Variants in CPLANE1 observed in about 807,000 individuals in gnomAD.
CPLANE1 encodes ciliogenesis and planar polarity effector complex subunit 1, also known as ciliogenesis and planar polarity effector 1.
A neutral mutation model predicts 362.5 loss-of-function variants in CPLANE1; 263 were observed. The observed-to-expected ratio is 0.73, with a 90% CI of 0.66 to 0.80. The LOEUF is 0.80. CPLANE1 is among the 30% of genes least tolerant of loss of function. The pLI, the probability that CPLANE1 is intolerant of heterozygous loss-of-function variation, is 0.00. For synonymous variants in CPLANE1, 1,212 were observed against 1,302.6 expected (o/e 0.93, Z 1.50); for missense variants, 3,461 against 3,793.4 (o/e 0.91, Z 2.30).
chr5:37,180,342 G>T (rs1220506436), intron 27 of CPLANE1, among the ~76,000 whole-genome samples, 159 bp from the exon 28 acceptor site: 3 of 151,198 alleles, frequency 2.0e-5, no homozygotes, highest in Admixed American at 6.6e-5. Context: ...TAAAAGCAAA[G>T]AACAAACTTT....
At chr5:37,124,848 G>A in intron 47 of CPLANE1, 1 of 989,284 alleles carries the variant, frequency 1.0e-6, no homozygotes. Flanking sequence ...TATAAACTAA[G>A]TAAGGGAGCA....
At position 37,107,298 on chromosome 5, in the gene CPLANE1, T is replaced by C. The variant is rs1354843206; in HGVS notation, c.*304A>G. ...AGGAGGAGGCAAGATAGAGGGTTTT[T>C]ATTGAAAGTAGGTTATGCAAACTTG... On this transcript the variant is annotated 3_prime_UTR_variant, in exon 53 of 53. Coordinates refer to ENST00000651892, the MANE Select transcript of CPLANE1 (RefSeq NM_001384732.1). The C allele has an allele frequency of 1.8e-6, 2 of 1,090,982 alleles. No individual in the cohort carries two copies. Among genetic ancestry groups the C allele is most frequent in the Non-Finnish European group, 2.2e-6 (2 of 899,506 alleles). The allele number at this position is 1,090,982 out of a possible 1,614,324, so 67.6% of individuals were successfully genotyped here.
Position 37,209,928 on chromosome 5 carries a change from C to T in CPLANE1, c.2921-3503G>A. ...TGATCAGTTTGCAGATGCTTACCCT[C>T]AGCGTATCAAGTTTGAGTCTTTAGA... On this transcript the variant is annotated intron_variant, in intron 16 of 52. Transcript: ENST00000651892. This position sits in a 1 kb window ranked among gnomAD's most constrained non-coding sequence, Gnocchi z 4.6. The T allele has an allele frequency of 7.3e-7, 1 of 1,371,402 alleles. No individual in the cohort carries two copies. The highest frequency in any genetic ancestry group is 1.0e-6 in the Non-Finnish European group (1 of 960,842). 85.0% of individuals were successfully genotyped at this position (1,371,402 alleles called of 1,614,324 possible).
At chr5:37,166,753 T>C (rs540423262) in intron 35 of CPLANE1, among the ~76,000 whole-genome samples, 2 of 152,202 alleles carry the variant, frequency 1.3e-5, no homozygotes, top group Non-Finnish European at 2.9e-5. Flanking sequence ...TTGTACCAAA[T>C]ATTTGAGCAG....
At chr5:37,100,872 A>T in the CPLANE1 span, among the ~76,000 whole-genome samples, 2 of 152,126 alleles carry the variant, frequency 1.3e-5, no homozygotes, top group Non-Finnish European at 2.9e-5. Flanking sequence ...CTTTGTAGCA[A>T]TTGAGAATCA....
rs116198390 is a variant in CPLANE1, at chr5:37,122,431, T to C, written c.9016A>G (p.Arg3006Gly). 596 of 1,613,086 alleles carry C rather than the reference T, an allele frequency of 3.7e-4. No individual in the cohort carries two copies. Among genetic ancestry groups the C allele is most frequent in the Non-Finnish European group, 4.7e-4 (554 of 1,179,444 alleles). ...CAGGGTTACAGCTACCAAACTCACC[T>C]GTCTTTTTCATGCTTCATCTTTTGT... is the stretch of plus-strand genomic sequence containing the variant. ...LRQKMKHEKD[R>G]LLLSEHYSRR... Residue 3006 changes from arginine (R) to glycine (G), a missense_variant and splice_region_variant, in exon 48 of 53, where the codon AGA (arginine) becomes GGA (glycine). Physicochemically the swap from Arg to Gly is moderately radical, Grantham distance 125 (BLOSUM62 -2). This residue lies in a region of CPLANE1 where 3,380 missense variants were observed against 3,666.1 expected (regional missense o/e 0.92). Transcript: ENST00000651892.
At chr5:37,234,741 A>G (rs578082240) in intron 8 of CPLANE1, among the ~76,000 whole-genome samples, 1 of 152,172 alleles carries the variant, frequency 6.6e-6, no homozygotes, top group Non-Finnish European at 1.5e-5. Context: ...ACCAGCGGCT[A>G]TTATATTCAG....
Position 37,205,442 on chromosome 5 carries a change from C to A in CPLANE1, c.3162G>T (p.Lys1054Asn). 1 of 1,530,132 alleles carries A rather than the reference C, an allele frequency of 6.5e-7. No homozygotes were observed. The highest frequency in any genetic ancestry group is 1.3e-5 in the South Asian group (1 of 78,558). 94.8% of individuals were successfully genotyped at this position (1,530,132 alleles called of 1,614,324 possible). ...TCATACGGAGTGGTAGATTCAGACT[C>A]TTTTTCTTGGACCTGAAATGACATC... ...RDSNFMRSKK[K>N]SLNLPLRMTP... Residue 1054 changes from lysine to asparagine, a missense_variant, in exon 18 of 53, where the codon AAG becomes AAT. Around this residue, in one of 2 missense-constraint regions of CPLANE1, gnomAD observed 3,380 missense variants for 3,666.1 expected, o/e 0.92. Coordinates refer to ENST00000651892, the MANE Select transcript of CPLANE1 (RefSeq NM_001384732.1).
At chr5:37,160,487 C>T (rs1264429262) in intron 38 of CPLANE1, among the ~76,000 whole-genome samples, 1 of 151,004 alleles carries the variant, frequency 6.6e-6, no homozygotes. Flanking sequence ...TTGAACCTGG[C>T]AGGCGGAGGC....
chr5:37,128,003 G>A (rs944315780), intron 46 of CPLANE1, among the ~76,000 whole-genome samples: 1 of 152,002 alleles, frequency 6.6e-6, no homozygotes, highest in Admixed American at 6.6e-5. Flanking sequence ...TTGTGCCACT[G>A]CACCCCAGCC....
chr5:37,098,123 G>C, the CPLANE1 span, among the ~76,000 whole-genome samples: 2 of 151,888 alleles, frequency 1.3e-5, no homozygotes, highest in Non-Finnish European at 2.9e-5. Flanking sequence ...GCCAGGCATG[G>C]TGGCTCACGC....
chr5:37,198,635 A>G, intron 20 of CPLANE1, 67 bp downstream of exon 20: 2 of 1,429,898 alleles, frequency 1.4e-6, no homozygotes, highest in Non-Finnish European at 1.9e-6. Flanking sequence ...ACAATTATAA[A>G]AACAATAATA....
At chr5:37,148,491 T>C (rs1415251745) in intron 42 of CPLANE1, among the ~76,000 whole-genome samples, 3 of 152,224 alleles carry the variant, frequency 2.0e-5, no homozygotes, top group Non-Finnish European at 4.4e-5. Context: ...AGGAAAATTG[T>C]ATCATAAAAT....
chr5:37,231,233 A>G (rs1051897021), intron 8 of CPLANE1, among the ~76,000 whole-genome samples, 184 bp from the exon 9 acceptor site: 11 of 152,262 alleles, frequency 7.2e-5, no homozygotes, highest in Admixed American at 3.3e-4. Context: ...GAGTTTGCTC[A>G]TAAACATCTA....
intron 19 of CPLANE1, 152 bp from the exon 20 acceptor site, chr5:37,199,018 G>A: frequency 1.6e-6 from 1 of 622,574 alleles, no homozygotes; most frequent in Non-Finnish European, 2.6e-6. Flanking sequence ...GACTGCTTGA[G>A]CTCAGGAGTT....
chr5:37,244,078 G>A (rs1738652350), intron 5 of CPLANE1, among the ~76,000 whole-genome samples: 1 of 151,714 alleles, frequency 6.6e-6, no homozygotes, highest in Non-Finnish European at 1.5e-5. Context: ...TTGAACTCTC[G>A]ACCTCAGGTG....
At chr5:37,234,798 GAA>G (rs1007819539) in intron 8 of CPLANE1, among the ~76,000 whole-genome samples, 3 of 152,072 alleles carry the variant, frequency 2.0e-5, no homozygotes, top group African/African-American at 4.8e-5. Flanking sequence ...ATTAGCAAAA[GAA>G]AAGAGTCCAG....
the CPLANE1 span, among the ~76,000 whole-genome samples, chr5:37,089,670 A>G: frequency 1.3e-5 from 2 of 152,246 alleles, no homozygotes; most frequent in South Asian, 4.1e-4. Flanking sequence ...CCCTTCCCCC[A>G]CGGCGATTCC....
At chr5:37,216,231 G>A (rs1188494366) in intron 15 of CPLANE1, among the ~76,000 whole-genome samples, 2 of 152,058 alleles carry the variant, frequency 1.3e-5, no homozygotes, top group Non-Finnish European at 2.9e-5. Flanking sequence ...ATTTTGGGGG[G>A]CAGGCAGTAG....
Sources: allele counts gnomAD v4.1 joint callset (sites outside exome capture counted in the v4.1 genomes callset), GRCh38; gene constraint gnomAD v4.1.1; regional missense constraint gnomAD v4.1.1; non-coding constraint Gnocchi (gnomAD v3.1); transcripts MANE v1.5; gene names NCBI Gene and HGNC (gene_info 2026-07-23, HGNC 2026-07-21).